PLD4: variants seen among roughly 807,000 people sequenced by gnomAD.
The protein encoded by PLD4 is phospholipase D family member 4.
A neutral mutation model predicts 52.3 loss-of-function variants in PLD4; 54 were observed. That is an observed-to-expected ratio of 1.03 (90% CI 0.83 to 1.30). The LOEUF (loss-of-function observed/expected upper bound fraction) is 1.30. Ranked by LOEUF, PLD4 falls within the 50% of genes most tolerant of loss-of-function variation. The pLI is 0.00. For synonymous variants in PLD4, 264 were observed against 286.5 expected, an observed-to-expected ratio of 0.92 and a Z score of 0.79; for missense variants, 731 against 671.1, an observed-to-expected ratio of 1.09 and a Z score of -0.99.
chr14:104,931,042 G>A, intron 7 of PLD4, 100 bp downstream of exon 7: 1 of 1,367,832 alleles, frequency 7.3e-7, no homozygotes. Context: ...GACACCAGCA[G>A]CATCAGCTGG....
Position 104,927,875 on chromosome 14 carries a change from G to T in PLD4, c.284+9G>T. 6.4e-7 allele frequency: 1 copy of T among 1,554,128 alleles called. No homozygotes were observed. The highest frequency in any genetic ancestry group is 8.7e-7 in the Non-Finnish European group (1 of 1,151,014). On this transcript the variant is annotated intron_variant, in intron 3 of 10. Coordinates refer to ENST00000392593, the MANE Select transcript of PLD4 (RefSeq NM_138790.5). Reference sequence around the variant, plus strand: ...CAGAGGGACTCCTGCCAGTAAGTGAGCCCATGGAGGCCTGCGGGGGCAGGT... The same window carrying T: ...CAGAGGGACTCCTGCCAGTAAGTGATCCCATGGAGGCCTGCGGGGGCAGGT...
intron 5 of PLD4, among the ~76,000 whole-genome samples, 165 bp downstream of exon 5, chr14:104,929,592 A>G (rs1231982584): frequency 1.3e-5 from 2 of 152,194 alleles, no homozygotes; most frequent in Non-Finnish European, 2.9e-5. Context: ...CCTTTGAGTC[A>G]GCTTCACCTG....
At chr14:104,926,447 G>T (rs1897458961) in intron 1 of PLD4, among the ~76,000 whole-genome samples, 1 of 152,182 alleles carries the variant, frequency 6.6e-6, no homozygotes, top group South Asian at 2.1e-4. Context: ...TCCTTGTGGG[G>T]TGACCACTCT....
At chr14:104,935,358 G>C (rs1897784243), downstream of PLD4, 1 of 152,250 alleles carries the variant, frequency 6.6e-6, no homozygotes, top group South Asian at 2.1e-4. Flanking sequence ...ACACACCTGG[G>C]GACTGGCAGT....
At chr14:104,925,636 A>G (rs370188681) in intron 1 of PLD4, among the ~76,000 whole-genome samples, 3 of 152,060 alleles carry the variant, frequency 2.0e-5, no homozygotes, top group African/African-American at 7.2e-5. Context: ...GTTTCCTCTC[A>G]TTGACCAGCC....
At position 104,931,707 on chromosome 14, in the gene PLD4, C is replaced by T. The variant is rs971174716; in HGVS notation, c.919-41C>T. The T allele has an allele frequency of 9.6e-6, 15 of 1,554,498 alleles. No individual in the cohort carries two copies. The Admixed American group carries it at 2.1e-4, about 22-fold the overall frequency. On this transcript the variant is annotated intron_variant, in intron 7 of 10. Coordinates refer to ENST00000392593, the MANE Select transcript of PLD4 (RefSeq NM_138790.5). ...GGTGGGGTCACAAGTTCAGAATGGG[C>T]TGGGCTGGCAGAGCCTTCAGGGATT... is the stretch of plus-strand genomic sequence containing the variant.
intron 6 of PLD4, 37 bp from the exon 7 acceptor site, chr14:104,930,705 G>T: frequency 1.2e-6 from 2 of 1,610,356 alleles, no homozygotes; most frequent in Non-Finnish European, 1.7e-6. Flanking sequence ...CCACAGAGGG[G>T]TTTTTCTCCC....
At chr14:104,930,445 TG>T (rs1234770734) in intron 6 of PLD4, among the ~76,000 whole-genome samples, 2 of 152,216 alleles carry the variant, frequency 1.3e-5, no homozygotes, top group Non-Finnish European at 2.9e-5. Context: ...GGTTATCACT[TG>T]ACAGTGGGAT....
chr14:104,933,074 C>A lies in PLD4; in HGVS notation c.*110C>A. On this transcript the variant is annotated 3_prime_UTR_variant, in exon 11 of 11. Transcript: ENST00000392593. ...GCAAGCAGCCCGGGTCCGCACTGCG[C>A]CAGGAGCCGCCTGCGACCGCCCGGG... is the stretch of plus-strand genomic sequence containing the variant. The A allele has an allele frequency of 7.9e-7, 1 of 1,267,774 alleles. No individual in the cohort carries two copies. The highest frequency in any genetic ancestry group is 1.0e-6 in the Non-Finnish European group (1 of 963,928). 78.5% of individuals were successfully genotyped at this position (1,267,774 alleles called of 1,614,324 possible). A position where few individuals can be genotyped will look rare whatever the true frequency, so the allele number is the denominator to read the frequency against.
chr14:104,932,070 G>GTGCGCC lies in PLD4; in HGVS notation c.1121_1126dup (p.Arg374_Leu375dup), dbSNP rs1174742745. 1.2e-6 allele frequency: 2 copies of GTGCGCC among 1,608,982 alleles called. No homozygotes were observed. The highest frequency in any genetic ancestry group is 1.1e-5 in the South Asian group (1 of 90,722). ...GGCAGCCTTCGGCAAGGGCGTGCGCGTGCGCCTGCTGGTCGGCTGCGGACT... is the reference window on the plus strand; with the variant it reads ...GGCAGCCTTCGGCAAGGGCGTGCGCGTGCGCCTGCGCCTGCTGGTCGGCTGCGGACT... On this transcript the variant is annotated inframe_insertion, in exon 9 of 11. Transcript: ENST00000392593. This position sits in a 1 kb window ranked among gnomAD's most constrained non-coding sequence, Gnocchi z 6.5.
At position 104,932,998 on chromosome 14, in the gene PLD4, C is replaced by A. The variant is rs781675456; in HGVS notation, c.*34C>A. 1.3e-6 allele frequency: 2 copies of A among 1,518,318 alleles called. No homozygotes were observed. The highest frequency in any genetic ancestry group is 1.8e-6 in the Non-Finnish European group (2 of 1,134,252). The allele number at this position is 1,518,318 out of a possible 1,614,324, so 94.1% of individuals were successfully genotyped here. ...TCTTTTTCTCTCGGCGACCCCGCCC[C>A]GCACGCGCCCTCCCCTCTGACCCCG... is the stretch of plus-strand genomic sequence containing the variant. On this transcript the variant is annotated 3_prime_UTR_variant, in exon 11 of 11. Transcript: ENST00000392593. The surrounding 1 kb of genome is among the most constrained non-coding windows in gnomAD (Gnocchi z 6.5).
chr14:104,930,150 C>G, intron 6 of PLD4, 45 bp downstream of exon 6: 1 of 1,607,538 alleles, frequency 6.2e-7, no homozygotes, highest in East Asian at 2.2e-5. Flanking sequence ...TGAAGCGTTT[C>G]CCCGCCTGCA....
rs1296294097 is a variant in PLD4, at chr14:104,933,145, C to G, written c.*181C>G. ...CTCTCTGATTTCCGAGTCCAGCCCC[C>G]CCTGAGCCCCACCTCCTCCAGGGAG... On this transcript the variant is annotated 3_prime_UTR_variant, in exon 11 of 11. Coordinates refer to ENST00000392593, the MANE Select transcript of PLD4 (RefSeq NM_138790.5). 3.0e-6 allele frequency: 2 copies of G among 660,422 alleles called. No individual in the cohort carries two copies. The highest frequency in any genetic ancestry group is 3.4e-5 in the Admixed American group (1 of 29,412). 40.9% of individuals were successfully genotyped at this position (660,422 alleles called of 1,614,324 possible).
At chr14:104,927,402 C>G (rs1897492602) in intron 2 of PLD4, among the ~76,000 whole-genome samples, 172 bp downstream of exon 2, 1 of 152,176 alleles carries the variant, frequency 6.6e-6, no homozygotes, top group East Asian at 1.9e-4. Flanking sequence ...CCTTTATGCC[C>G]CTGCTGGAGG....
At position 104,933,224 on chromosome 14, in the gene PLD4, A is replaced by G; in HGVS notation, c.*260A>G. 1 of 409,596 alleles carries G rather than the reference A, an allele frequency of 2.4e-6. No homozygotes were observed. Among genetic ancestry groups the G allele is most frequent in the Non-Finnish European group, 4.3e-6 (1 of 231,286 alleles). 25.4% of individuals were successfully genotyped at this position (409,596 alleles called of 1,614,324 possible). On this transcript the variant is annotated 3_prime_UTR_variant, in exon 11 of 11. Transcript: ENST00000392593. The stretch of plus-strand genomic sequence containing the variant: ...TGGCCCACAGGCCAGGCCTAAAAAA[A>G]ACTCGTGGCTTCCCGGTGCCTCTGT...
At chr14:104,928,240 C>G (rs547971165) in intron 3 of PLD4, among the ~76,000 whole-genome samples, 1 of 152,238 alleles carries the variant, frequency 6.6e-6, no homozygotes, top group South Asian at 2.1e-4. Context: ...CCCAGGACTG[C>G]CCCGGAGGAA....
At chr14:104,926,258 G>A (rs2140794866) in intron 1 of PLD4, among the ~76,000 whole-genome samples, 1 of 152,308 alleles carries the variant, frequency 6.6e-6, no homozygotes, top group South Asian at 2.1e-4. Context: ...TCAGAGGCTG[G>A]CCAGCCAGGT....
chr14:104,927,628 A>T, intron 2 of PLD4, 45 bp from the exon 3 acceptor site: 1 of 1,493,070 alleles, frequency 6.7e-7, no homozygotes. Context: ...GCCAGAAGTC[A>T]AGCCCCGCCC....
intron 6 of PLD4, 175 bp from the exon 7 acceptor site, chr14:104,930,567 G>A: frequency 1.5e-6 from 1 of 645,928 alleles, no homozygotes. Context: ...GCACCCGCTG[G>A]GCACTCCTCC....
Sources: gnomAD v4.1 joint callset for allele counts (sites outside exome capture counted in the v4.1 genomes callset) on GRCh38, gnomAD v4.1.1 for gene constraint, Gnocchi (gnomAD v3.1) non-coding constraint, MANE v1.5 for transcripts, NCBI Gene and HGNC (gene_info 2026-07-23, HGNC 2026-07-21) for gene names.